ETFA: variants seen among roughly 807,000 people sequenced by gnomAD.
The protein encoded by ETFA is electron transfer flavoprotein subunit alpha, mitochondrial.
In ETFA, 22 loss-of-function variants were observed where a neutral mutation model predicts 46.2. The ratio of observed to expected loss-of-function variants is 0.48; its 90% CI spans 0.34 to 0.68. The LOEUF (loss-of-function observed/expected upper bound fraction) is 0.68. Ranked by LOEUF, ETFA falls within the 30% of genes least tolerant of loss-of-function variation. The pLI, the probability that ETFA is intolerant of heterozygous loss-of-function variation, is 0.01. For synonymous variants in ETFA, 131 were observed against 139.9 expected, an observed-to-expected ratio of 0.94 and a Z score of 0.45; for missense variants, 345 against 401.1, an observed-to-expected ratio of 0.86 and a Z score of 1.19.
At chr15:76,288,030 A>G in intron 4 of ETFA, 85 bp from the exon 5 acceptor site, 2 of 865,014 alleles carry the variant, frequency 2.3e-6, no homozygotes, top group South Asian at 1.4e-5. Context: ...TTCTAAATGC[A>G]TATTCTGTAG....
chr15:76,295,933 A>ATTATTTTTTTTTTT, intron 1 of ETFA, among the ~76,000 whole-genome samples, 196 bp from the exon 2 acceptor site: 1 of 58,512 alleles, frequency 1.7e-5, no homozygotes, highest in African/African-American at 5.2e-5. Context: ...TACCACTAAT[A>ATTATTTTTTTTTTT]TTCTTTTTTT....
chr15:76,291,603 A>C (rs1479278895), intron 4 of ETFA, among the ~76,000 whole-genome samples: 1 of 151,692 alleles, frequency 6.6e-6, no homozygotes, highest in Non-Finnish European at 1.5e-5. Flanking sequence ...ACAAAAAATT[A>C]GCCGGGCGAG....
intron 9 of ETFA, 29 bp downstream of exon 9, chr15:76,274,383 T>C (rs770740201): frequency 6.6e-7 from 1 of 1,511,622 alleles, no homozygotes; most frequent in South Asian, 1.2e-5. Context: ...CATAACATTT[T>C]ACACAGCATA....
At chr15:76,281,158 G>A (rs1003667297) in intron 8 of ETFA, among the ~76,000 whole-genome samples, 2 of 151,592 alleles carry the variant, frequency 1.3e-5, no homozygotes, top group Non-Finnish European at 2.9e-5. Context: ...CAAGAAATCC[G>A]CCCACCTAGC....
At chr15:76,295,783 A>C in intron 1 of ETFA, 46 bp from the exon 2 acceptor site, 3 of 1,407,264 alleles carry the variant, frequency 2.1e-6, no homozygotes, top group Non-Finnish European at 2.9e-6. Flanking sequence ...ATGTTGTCAC[A>C]GGGTTTTTTT....
Position 76,308,960 on chromosome 15 carries a change from G to C in ETFA, c.39+2390C>G, listed in dbSNP as rs2039962385. 2.6e-5 allele frequency among the ~76,000 whole-genome samples: 4 copies of C among 152,260 alleles called. No homozygotes were observed. The South Asian group carries it at 8.3e-4, about 32-fold the overall frequency. On this transcript the variant is annotated intron_variant, in intron 1 of 11. Transcript: ENST00000557943. Reference sequence around the variant, plus strand: ...AATGTGTCAAACTGCTAACATGCTGGGAAAACCAGGGGAAGGGTTTTGAGA... The same window carrying C: ...AATGTGTCAAACTGCTAACATGCTGCGAAAACCAGGGGAAGGGTTTTGAGA...
At chr15:76,259,119 C>T in intron 9 of ETFA, 1 of 1,519,682 alleles carries the variant, frequency 6.6e-7, no homozygotes, top group Non-Finnish European at 9.1e-7. Context: ...GATGTATCAA[C>T]ATTCACTGGG....
intron 7 of ETFA, among the ~76,000 whole-genome samples, chr15:76,285,234 T>C (rs375930979): frequency 6.6e-6 from 1 of 152,150 alleles, no homozygotes; most frequent in African/African-American, 2.4e-5. Context: ...CACAAAGACA[T>C]GGACAACTCT....
At chr15:76,220,077 T>C (rs1438449338) in intron 11 of ETFA, among the ~76,000 whole-genome samples, 2 of 152,186 alleles carry the variant, frequency 1.3e-5, no homozygotes, top group South Asian at 4.2e-4. Context: ...TGTTTTTTGT[T>C]TTTTTTCTGA....
intron 1 of ETFA, among the ~76,000 whole-genome samples, chr15:76,306,648 T>C (rs556803631): frequency 4.3e-4 from 65 of 152,274 alleles, no homozygotes; most frequent in African/African-American, 1.5e-3. Flanking sequence ...AAGGATAATA[T>C]ATAAAGTCAC....
chr15:76,287,261 C>T (rs2039712748), intron 5 of ETFA, among the ~76,000 whole-genome samples: 1 of 152,174 alleles, frequency 6.6e-6, no homozygotes, highest in South Asian at 2.1e-4. Flanking sequence ...CCTTCTGGCT[C>T]AAGCAATCCT....
chr15:76,273,671 A>G (rs1438993844), intron 9 of ETFA, among the ~76,000 whole-genome samples: 1 of 152,202 alleles, frequency 6.6e-6, no homozygotes, highest in Non-Finnish European at 1.5e-5. Flanking sequence ...AGAATAGAGC[A>G]CTGGGATGTA....
intron 9 of ETFA, among the ~76,000 whole-genome samples, chr15:76,244,750 C>T (rs191306896): frequency 3.3e-5 from 5 of 151,962 alleles, no homozygotes; most frequent in Admixed American, 6.5e-5. Flanking sequence ...AACACAGCTA[C>T]GACAAAGACT....
intron 9 of ETFA, among the ~76,000 whole-genome samples, chr15:76,251,055 C>A (rs552244348): frequency 6.6e-6 from 1 of 151,708 alleles, no homozygotes; most frequent in African/African-American, 2.4e-5. Context: ...AGGAATACAG[C>A]GAATATAAGC....
chr15:76,295,570 C>T, intron 2 of ETFA, 21 bp downstream of exon 2: 1 of 1,605,998 alleles, frequency 6.2e-7, no homozygotes, highest in Non-Finnish European at 8.5e-7. Context: ...TTTGCTATGG[C>T]TGACCTTAAA....
chr15:76,309,575 C>T (rs1054586013), intron 1 of ETFA, among the ~76,000 whole-genome samples: 3 of 152,228 alleles, frequency 2.0e-5, no homozygotes, highest in Non-Finnish European at 4.4e-5. Context: ...AATGTCTATA[C>T]ACATTAGCCA....
chr15:76,260,534 G>A (rs553328983), intron 9 of ETFA: 10 of 1,469,876 alleles, frequency 6.8e-6, no homozygotes, highest in South Asian at 4.7e-5. Context: ...ACACACGTAC[G>A]ATCAGGCCCT....
intron 1 of ETFA, among the ~76,000 whole-genome samples, chr15:76,302,305 T>C (rs1474153835): frequency 2.0e-5 from 3 of 152,094 alleles, no homozygotes; most frequent in Non-Finnish European, 4.4e-5. Context: ...TGAATAAATA[T>C]TCATACAATG....
At chr15:76,286,595 T>G (rs530588453) in intron 5 of ETFA, 114 bp from the exon 6 acceptor site, 1 of 731,114 alleles carries the variant, frequency 1.4e-6, no homozygotes, top group East Asian at 2.7e-5. Flanking sequence ...ATTGACCAGT[T>G]GTCTTCTAAC....
Sources: gnomAD v4.1 joint callset for allele counts (sites outside exome capture counted in the v4.1 genomes callset) on GRCh38, gnomAD v4.1.1 for gene constraint, MANE v1.5 for transcripts, NCBI Gene and HGNC (gene_info 2026-07-23, HGNC 2026-07-21) for gene names.